LRGUK: variants seen among roughly 807,000 people sequenced by gnomAD.
LRGUK encodes the protein leucine rich repeats and guanylate kinase domain containing.
Under a neutral mutation model 76.0 loss-of-function variants are expected in LRGUK, and 65 were observed. The observed-to-expected ratio is 0.85, with a 90% CI of 0.70 to 1.05. LRGUK has a LOEUF of 1.05. Among genes scored for constraint, LRGUK ranks in the 50% least tolerant of loss-of-function variants. LRGUK has a pLI of 0.00. For missense variants in LRGUK, 758 were observed against 732.8 expected, an observed-to-expected ratio of 1.03 and a Z score of -0.40; for synonymous variants, 268 against 265.6, an observed-to-expected ratio of 1.01 and a Z score of -0.09.
intron 19 of LRGUK, among the ~76,000 whole-genome samples, chr7:134,262,514 A>G (rs1192611002): frequency 3.3e-5 from 5 of 152,222 alleles, no homozygotes; most frequent in Non-Finnish European, 4.4e-5. Flanking sequence ...AACTGCTTCC[A>G]TAAGCAATTC....
intron 10 of LRGUK, among the ~76,000 whole-genome samples, chr7:134,181,388 A>T (rs1252319744): frequency 6.6e-6 from 1 of 151,550 alleles, no homozygotes; most frequent in East Asian, 1.9e-4. Flanking sequence ...CTTATATGTA[A>T]TGTGCTTTTT....
chr7:134,210,830 G>C (rs181937063), downstream of LRGUK, among the ~76,000 whole-genome samples: 2 of 152,294 alleles, frequency 1.3e-5, no homozygotes, highest in African/African-American at 4.8e-5. Flanking sequence ...GCAAACCAAA[G>C]AGAAGCGAAC....
chr7:134,178,709 A>G lies in LRGUK; in HGVS notation c.1214+100A>G, dbSNP rs542957167. ...CTATTTTGTGACCCCTTTATTTCCT[A>G]TAAAGGCTGCTTTTTCCCTTTCTCT... On this transcript the variant is annotated intron_variant, in intron 10 of 15. Coordinates refer to ENST00000645682, the Ensembl canonical transcript of LRGUK. 1,196 of 778,504 alleles carry G rather than the reference A, an allele frequency of 1.5e-3. 3 individuals are homozygous for G. Among genetic ancestry groups the G allele is most frequent in the Non-Finnish European group, 1.6e-3 (835 of 506,982 alleles). The allele number at this position is 778,504 out of a possible 1,614,324, so 48.2% of individuals were successfully genotyped here. A position where few individuals can be genotyped will look rare whatever the true frequency, so the allele number is the denominator to read the frequency against.
At chr7:134,145,486 A>G (rs1797931521) in intron 4 of LRGUK, among the ~76,000 whole-genome samples, 1 of 152,150 alleles carries the variant, frequency 6.6e-6, no homozygotes, top group African/African-American at 2.4e-5. Context: ...ATCTCAGCTG[A>G]TCTGCCCGCC....
chr7:134,208,824 A>G (rs1801115930), exon 16 of LRGUK: 1 of 398,942 alleles, frequency 2.5e-6, no homozygotes, highest in Admixed American at 4.4e-5. Context: ...TCTGGAATGC[A>G]AATTCATGCC....
chr7:134,252,278 C>T (rs1802466408), intron 18 of LRGUK, among the ~76,000 whole-genome samples: 2 of 151,944 alleles, frequency 1.3e-5, no homozygotes, highest in Non-Finnish European at 2.9e-5. Context: ...GTTAAAGCTG[C>T]AGTGAGCCAT....
intron 2 of LRGUK, among the ~76,000 whole-genome samples, chr7:134,138,992 G>GT (rs1255984066): frequency 6.6e-6 from 1 of 152,184 alleles, no homozygotes; most frequent in Non-Finnish European, 1.5e-5. Context: ...AAATGAAAAG[G>GT]TGAAAGTGTA....
At chr7:134,145,324 C>T (rs193171004) in intron 4 of LRGUK, among the ~76,000 whole-genome samples, 67 of 152,000 alleles carry the variant, frequency 4.4e-4, no homozygotes, top group African/African-American at 1.5e-3. Flanking sequence ...CTCGGCTCAC[C>T]GCAACCTCTG....
At chr7:134,214,193 C>T (rs1801370475), downstream of LRGUK, among the ~76,000 whole-genome samples, 1 of 151,776 alleles carries the variant, frequency 6.6e-6, no homozygotes, top group Admixed American at 6.6e-5. Flanking sequence ...AGTATTTAAC[C>T]TCATTATAAG....
intron 16 of LRGUK, among the ~76,000 whole-genome samples, chr7:134,240,585 C>T (rs1203019961): frequency 6.6e-6 from 1 of 152,166 alleles, no homozygotes; most frequent in Non-Finnish European, 1.5e-5. Context: ...GACTGGTGTA[C>T]CTGAAAGTGA....
intron 7 of LRGUK, among the ~76,000 whole-genome samples, chr7:134,165,994 T>C (rs796298618): frequency 1.1e-4 from 17 of 152,286 alleles, no homozygotes; most frequent in African/African-American, 4.1e-4. Context: ...CCATGAGCTC[T>C]GTAACAATCA....
At chr7:134,133,529 T>C (rs1797396118) in intron 1 of LRGUK, among the ~76,000 whole-genome samples, 1 of 152,312 alleles carries the variant, frequency 6.6e-6, no homozygotes, top group Non-Finnish European at 1.5e-5. Context: ...AAATCCCTTA[T>C]GGACAGGCAC....
chr7:134,207,239 T>G (rs919356456), intron 15 of LRGUK, among the ~76,000 whole-genome samples: 3 of 152,210 alleles, frequency 2.0e-5, no homozygotes, highest in Non-Finnish European at 4.4e-5. Flanking sequence ...ATTTACAATG[T>G]TGTATAACCA....
At chr7:134,216,565 C>T (rs578253689) in intron 15 of LRGUK, among the ~76,000 whole-genome samples, 34 of 152,240 alleles carry the variant, frequency 2.2e-4, no homozygotes, top group African/African-American at 6.7e-4. Flanking sequence ...ACATCTGGCA[C>T]ATAGTACATG....
chr7:134,176,389 AT>A (rs1161511566), intron 8 of LRGUK, among the ~76,000 whole-genome samples: 3 of 151,138 alleles, frequency 2.0e-5, no homozygotes, highest in Admixed American at 1.3e-4. Flanking sequence ...ATTAAATTAA[AT>A]TTTTTTTTCG....
chr7:134,195,564 C>G (rs1800443137), intron 12 of LRGUK, among the ~76,000 whole-genome samples: 1 of 152,146 alleles, frequency 6.6e-6, no homozygotes, highest in Non-Finnish European at 1.5e-5. Context: ...AGGCCTTCAA[C>G]TGATTGGATA....
At chr7:134,166,054 C>G (rs963121968) in intron 7 of LRGUK, among the ~76,000 whole-genome samples, 1 of 115,142 alleles carries the variant, frequency 8.7e-6, no homozygotes, top group Non-Finnish European at 1.8e-5. Context: ...CCCGCAGGCT[C>G]CCCAAATATT....
At chr7:134,209,986 G>A (rs1002358114) in exon 16 of LRGUK, 1 of 399,702 alleles carries the variant, frequency 2.5e-6, no homozygotes, top group Non-Finnish European at 4.4e-6. Context: ...CAAAGGAAAG[G>A]AAAGCTCCCC....
intron 2 of LRGUK, among the ~76,000 whole-genome samples, 184 bp downstream of exon 2, chr7:134,137,314 A>T (rs1486677715): frequency 6.6e-6 from 1 of 152,194 alleles, no homozygotes; most frequent in African/African-American, 2.4e-5. Flanking sequence ...CCAATTCAGT[A>T]ATCAGCCCCC....
Sources: allele counts gnomAD v4.1 joint callset (sites outside exome capture counted in the v4.1 genomes callset), GRCh38; gene constraint gnomAD v4.1.1; transcripts MANE v1.5; gene names NCBI Gene and HGNC (gene_info 2026-07-23, HGNC 2026-07-21).